CRLS1: variants seen among roughly 807,000 people sequenced by gnomAD.
The protein encoded by CRLS1 is cardiolipin synthase (CMP-forming).
A neutral mutation model predicts 37.0 loss-of-function variants in CRLS1; 24 were observed. The ratio of observed to expected loss-of-function variants is 0.65; its 90% CI spans 0.47 to 0.91. The LOEUF is 0.91. Among genes scored for constraint, CRLS1 ranks in the 40% least tolerant of loss-of-function variants. The pLI is 0.00. For missense variants in CRLS1, 373 were observed against 395.8 expected (o/e 0.94, Z 0.49); for synonymous variants, 135 against 159.7 (o/e 0.85, Z 1.17).
chr20:6,012,228 T>A (rs1978377996), intron 2 of CRLS1, among the ~76,000 whole-genome samples: 1 of 152,212 alleles, frequency 6.6e-6, no homozygotes, highest in African/African-American at 2.4e-5. Context: ...CTCATCAGTT[T>A]AAGCCAGGGA....
At chr20:6,036,204 C>T (rs1319923238) in intron 6 of CRLS1, among the ~76,000 whole-genome samples, 2 of 152,206 alleles carry the variant, frequency 1.3e-5, no homozygotes, top group African/African-American at 2.4e-5. Context: ...CCTGCCTCGG[C>T]CTGCCAAAGT....
chr20:6,015,227 G>A (rs924559668), intron 2 of CRLS1, 134 bp from the exon 3 acceptor site: 1 of 500,872 alleles, frequency 2.0e-6, no homozygotes, highest in Non-Finnish European at 3.4e-6. Context: ...AATGTTTGGG[G>A]GTAAGAAACA....
chr20:6,027,781 C>A (rs142571912), intron 3 of CRLS1, among the ~76,000 whole-genome samples: 1 of 152,258 alleles, frequency 6.6e-6, no homozygotes, highest in East Asian at 1.9e-4. Flanking sequence ...TCTTTCCCCC[C>A]AATCATTAAA....
Position 6,006,415 on chromosome 20 carries a change from G to A in CRLS1, c.169G>A (p.Gly57Ser), listed in dbSNP as rs1315215758. Reference sequence around the variant, plus strand: ...CTGGAGGCTGCGTCCGGCCGCTCTTGGCTTGCGGCTGCCCGGGATCGGCCA... The same window carrying A: ...CTGGAGGCTGCGTCCGGCCGCTCTTAGCTTGCGGCTGCCCGGGATCGGCCA... ...ERWRLRPAAL[G>S]LRLPGIGQRN... Residue 57 changes from glycine to serine, a missense_variant, in exon 1 of 7, where the codon GGC becomes AGC. Gly to Ser is a moderately conservative substitution (Grantham distance 56, BLOSUM62 0). Transcript: ENST00000378863. 2.8e-6 allele frequency: 4 copies of A among 1,410,534 alleles called. No homozygotes were observed. In the African/African-American group the frequency reaches 4.5e-5, roughly 16 times the overall value. The allele number at this position is 1,410,534 out of a possible 1,614,324, so 87.4% of individuals were successfully genotyped here.
At chr20:6,023,196 A>C (rs1979412669) in intron 3 of CRLS1, among the ~76,000 whole-genome samples, 1 of 152,168 alleles carries the variant, frequency 6.6e-6, no homozygotes, top group Non-Finnish European at 1.5e-5. Context: ...TGATTCAAAA[A>C]TCTTACATCT....
At chr20:6,032,627 G>A (rs1488181310) in intron 5 of CRLS1, among the ~76,000 whole-genome samples, 2 of 152,138 alleles carry the variant, frequency 1.3e-5, no homozygotes, top group East Asian at 3.9e-4. Flanking sequence ...GAAAGGGATA[G>A]GAAAATAGGA....
chr20:6,032,115 T>C (rs1021179712), intron 5 of CRLS1, 35 bp downstream of exon 5: 1 of 1,507,804 alleles, frequency 6.6e-7, no homozygotes, highest in Non-Finnish European at 9.2e-7. Context: ...AGTTATTCCT[T>C]TGTAAATTTT....
chr20:6,023,099 A>C (rs1381668701), intron 3 of CRLS1, among the ~76,000 whole-genome samples: 4 of 152,034 alleles, frequency 2.6e-5, no homozygotes, highest in Non-Finnish European at 5.9e-5. Flanking sequence ...TGGACTTGCT[A>C]AGTTGTCTTT....
chr20:6,028,866 C>A (rs4815882), intron 3 of CRLS1: 72,592 of 152,140 alleles, frequency 0.48, 17,709 homozygotes, highest in East Asian at 0.58. Context: ...TCCTGCCCAT[C>A]ACTTTCTTAC....
intron 3 of CRLS1, among the ~76,000 whole-genome samples, chr20:6,016,936 C>T (rs967198821): frequency 7.9e-5 from 12 of 152,138 alleles, no homozygotes; most frequent in African/African-American, 2.4e-4. Flanking sequence ...TTTTGTCTTC[C>T]ATACATGATT....
intron 1 of CRLS1, among the ~76,000 whole-genome samples, chr20:6,007,794 T>C (rs1295996880): frequency 1.3e-5 from 2 of 152,244 alleles, no homozygotes; most frequent in Admixed American, 6.5e-5. Context: ...AACAGACTTA[T>C]CTTTTTTCTT....
rs80043249 is a variant in CRLS1, at chr20:6,017,309, A to G, written c.574+1819A>G. Reference sequence around the variant, plus strand: ...TACGGAACAGTCTCTTATCATTTGGATACCTTTTCCTTTACATGGGATTGT... The same window carrying G: ...TACGGAACAGTCTCTTATCATTTGGGTACCTTTTCCTTTACATGGGATTGT... On this transcript the variant is annotated intron_variant, in intron 3 of 6. Transcript: ENST00000378863. Among the ~76,000 whole-genome samples, 764 of 152,308 alleles carry G rather than the reference A, an allele frequency of 5.0e-3. 9 individuals are homozygous for G. Among genetic ancestry groups the G allele is most frequent in the African/African-American group, 0.018 (738 of 41,554 alleles).
At chr20:6,017,871 T>A (rs1384492296) in intron 3 of CRLS1, among the ~76,000 whole-genome samples, 1 of 152,220 alleles carries the variant, frequency 6.6e-6, no homozygotes, top group Admixed American at 6.5e-5. Flanking sequence ...TTTGTTAGAC[T>A]TATTCCTAAG....
intron 2 of CRLS1, among the ~76,000 whole-genome samples, chr20:6,014,063 G>T (rs1248863597): frequency 2.0e-5 from 3 of 152,204 alleles, no homozygotes; most frequent in Non-Finnish European, 4.4e-5. Flanking sequence ...GTATGCTTAA[G>T]AAGGAAATAG....
chr20:6,007,236 C>T (rs1460201287), intron 1 of CRLS1: 2 of 1,497,732 alleles, frequency 1.3e-6, no homozygotes, highest in East Asian at 2.5e-5. Context: ...TCAGTGGCCC[C>T]TGTACTGCTT....
In CRLS1 at chr20:6,009,829, G is replaced by T; in HGVS notation, c.361G>T (p.Ala121Ser). 6.2e-7 allele frequency: 1 copy of T among 1,613,934 alleles called. No individual in the cohort carries two copies. The highest frequency in any genetic ancestry group is 8.5e-7 in the Non-Finnish European group (1 of 1,179,880). The change falls in exon 2 of 7, where the codon GCC (alanine) becomes TCC (serine). Residue 121 changes from alanine to serine, a missense_variant. Ala to Ser is a moderately conservative substitution (Grantham distance 99, BLOSUM62 1). Coordinates refer to ENST00000378863, the MANE Select transcript of CRLS1 (RefSeq NM_019095.6). ...NMLSMTRIGL[A>S]PVLGYLIIEE... is the part of the protein sequence containing the mutation. Reference sequence around the variant, plus strand: ...GTTGTCAATGACGAGAATTGGCTTGGCCCCAGTTCTGGGCTATTTGATTAT... The same window carrying T: ...GTTGTCAATGACGAGAATTGGCTTGTCCCCAGTTCTGGGCTATTTGATTAT...
chr20:6,029,602 G>C (rs1240842695), intron 3 of CRLS1, among the ~76,000 whole-genome samples: 1 of 152,112 alleles, frequency 6.6e-6, no homozygotes, highest in Non-Finnish European at 1.5e-5. Context: ...CCGGTGATCT[G>C]CCTGCCTTGG....
Position 6,037,157 on chromosome 20 carries a change from G to A in CRLS1, c.905G>A (p.Ter302=), listed in dbSNP as rs747515445. The A allele has an allele frequency of 6.2e-7, 1 of 1,608,576 alleles. No homozygotes were observed. Among genetic ancestry groups the A allele is most frequent in the Non-Finnish European group, 8.5e-7 (1 of 1,175,390 alleles). ...GRKTVQVIKD[*] ...AAGACTGTTCAGGTGATAAAAGACTGATGAAAGTCATCCCTCACTGTTAGT... is the reference window on the plus strand; with the variant it reads ...AAGACTGTTCAGGTGATAAAAGACTAATGAAAGTCATCCCTCACTGTTAGT... The change falls in exon 7 of 7, where the codon TGA becomes TAA. Residue 302 remains the stop codon, a stop_retained_variant. Coordinates refer to ENST00000378863, the MANE Select transcript of CRLS1 (RefSeq NM_019095.6).
At chr20:6,012,347 A>G (rs1978388526) in intron 2 of CRLS1, among the ~76,000 whole-genome samples, 1 of 152,302 alleles carries the variant, frequency 6.6e-6, no homozygotes, top group Admixed American at 6.5e-5. Flanking sequence ...GAGTGGAAGC[A>G]GAGTAACTGG....
Sources: gnomAD v4.1 joint callset for allele counts (sites outside exome capture counted in the v4.1 genomes callset) on GRCh38, gnomAD v4.1.1 for gene constraint, MANE v1.5 for transcripts, NCBI Gene and HGNC (gene_info 2026-07-23, HGNC 2026-07-21) for gene names.